The following TMEM230 variants were observed in gnomAD, a reference collection of about 807,000 sequenced individuals.
TMEM230 encodes the protein transmembrane protein 230.
Under a neutral mutation model 15.8 loss-of-function variants are expected in TMEM230, and 10 were observed. The observed-to-expected ratio is 0.63, with a 90% CI of 0.39 to 1.07. The LOEUF is 1.07. Among genes scored for constraint, TMEM230 ranks in the 50% least tolerant of loss-of-function variants. TMEM230 has a pLI of 0.01. For missense variants in TMEM230, 165 were observed against 193.3 expected (o/e 0.85, Z 0.87); for synonymous variants, 67 against 76.9 (o/e 0.87, Z 0.68).
intron 4 of TMEM230, among the ~76,000 whole-genome samples, chr20:5,102,688 CA>C (rs58106156): frequency 0.042 from 3,469 of 83,022 alleles, 62 homozygotes; most frequent in African/African-American, 0.11. Context: ...GACCCTGTCT[CA>C]AAAAAAAAAA....
chr20:5,097,853 C>T (rs1410445671), downstream of TMEM230, among the ~76,000 whole-genome samples: 1 of 111,812 alleles, frequency 8.9e-6, no homozygotes, highest in East Asian at 4.9e-4. Context: ...TCAAGTGATC[C>T]ACCCACCTCG....
At chr20:5,059,763 ATTTTTTTTTTTTTTT>A in the TMEM230 span, among the ~76,000 whole-genome samples, 1 of 61,266 alleles carries the variant, frequency 1.6e-5, no homozygotes, top group South Asian at 7.4e-4. Context: ...CTTCCAGCTA[ATTTTTTTTTTTTTTT>A]TTTTTTTTTT....
intron 3 of TMEM230, chr20:5,069,486 G>A (rs1183868983): frequency 3.5e-6 from 3 of 854,594 alleles, no homozygotes; most frequent in Non-Finnish European, 5.3e-6. Context: ...TGTGAGGCAG[G>A]AGCTCAAGAT....
downstream of TMEM230, among the ~76,000 whole-genome samples, chr20:5,095,083 A>C (rs577512397): frequency 4.6e-5 from 7 of 152,326 alleles, no homozygotes; most frequent in South Asian, 1.5e-3. Flanking sequence ...TGGTGGTCTC[A>C]GGGCAAACTC....
chr20:5,091,611 A>T (rs2089508899), intron 3 of TMEM230, among the ~76,000 whole-genome samples: 1 of 151,976 alleles, frequency 6.6e-6, no homozygotes, highest in Non-Finnish European at 1.5e-5. Flanking sequence ...GGCTGACTGT[A>T]CTCATTTATT....
intron 3 of TMEM230, among the ~76,000 whole-genome samples, chr20:5,083,561 T>C (rs2089245463): frequency 6.6e-6 from 1 of 152,152 alleles, no homozygotes; most frequent in African/African-American, 2.4e-5. Flanking sequence ...CCTTTGACTT[T>C]GCCCATTTGT....
intron 3 of TMEM230, among the ~76,000 whole-genome samples, chr20:5,093,190 C>T (rs565838597): frequency 1.3e-5 from 2 of 152,202 alleles, no homozygotes; most frequent in Admixed American, 6.5e-5. Flanking sequence ...TATACATTAA[C>T]GAAGAACTAT....
chr20:5,106,747 C>G (rs949831051), intron 3 of TMEM230, among the ~76,000 whole-genome samples: 1 of 152,026 alleles, frequency 6.6e-6, no homozygotes, highest in Admixed American at 6.6e-5. Flanking sequence ...GCTCTATCAC[C>G]CAGGCTGGAG....
chr20:5,100,998 A>C, intron 4 of TMEM230, 67 bp from the exon 4 acceptor site: 1 of 1,584,352 alleles, frequency 6.3e-7, no homozygotes, highest in Non-Finnish European at 8.6e-7. Flanking sequence ...AAAACGTCAC[A>C]GACCTAATCC....
chr20:5,062,120 G>T, the TMEM230 span, among the ~76,000 whole-genome samples: 1 of 152,020 alleles, frequency 6.6e-6, no homozygotes, highest in Non-Finnish European at 1.5e-5. Context: ...TACTCAGGAG[G>T]CTGTGGTGAG....
intron 3 of TMEM230, among the ~76,000 whole-genome samples, chr20:5,086,047 A>G (rs1224970710): frequency 6.6e-6 from 1 of 152,068 alleles, no homozygotes; most frequent in East Asian, 1.9e-4. Flanking sequence ...TTTAAGCTAT[A>G]CATTTAGGTT....
intron 3 of TMEM230, among the ~76,000 whole-genome samples, chr20:5,069,652 CCTT>C (rs1243010970): frequency 2.6e-5 from 4 of 152,044 alleles, no homozygotes; most frequent in African/African-American, 9.7e-5. Context: ...CCTTTCCTTT[CCTT>C]TCCTCTCCCC....
chr20:5,101,858 C>T (rs1435740282), intron 4 of TMEM230, among the ~76,000 whole-genome samples: 1 of 152,206 alleles, frequency 6.6e-6, no homozygotes, highest in African/African-American at 2.4e-5. Flanking sequence ...CATATTGAAG[C>T]TCAACAGGAA....
chr20:5,063,582 G>A (rs2088626420), downstream of TMEM230, among the ~76,000 whole-genome samples: 1 of 152,086 alleles, frequency 6.6e-6, no homozygotes, highest in African/African-American at 2.4e-5. Flanking sequence ...AGCCACCATG[G>A]CCGGCCTGCT....
rs141468437 is a variant in TMEM230 at position 5,103,630 on chromosome 20, C to CAA, written c.411+2556_411+2557dup. 3.9e-3 allele frequency among the ~76,000 whole-genome samples: 471 copies of CAA among 122,218 alleles called. 1 individual carries two copies. The highest frequency in any genetic ancestry group is 8.8e-3 in the Middle Eastern group (2 of 226). The allele number at this position is 122,218 out of a possible 152,430, so 80.2% of individuals were successfully genotyped here. On this transcript the variant is annotated intron_variant, in intron 4 of 4. Transcript: ENST00000342308. ...TGGATGACACAGTGAGATTCTGTCT[C>CAA]AAAAAAAAAAAAACAAACAAAAAAA...
At chr20:5,088,344 T>G (rs1002683467) in intron 3 of TMEM230, among the ~76,000 whole-genome samples, 15 of 150,062 alleles carry the variant, frequency 1.0e-4, no homozygotes, top group Non-Finnish European at 2.2e-4. Flanking sequence ...CAAACACAAT[T>G]AATTCAAACC....
rs1366426836 is a variant in TMEM230 at position 5,106,115 on chromosome 20, A to G, written c.411+73T>C. The G allele has an allele frequency of 7.1e-4, 1,068 of 1,506,094 alleles. 7 individuals are homozygous for G. The African/African-American group carries it at 0.012, about 16-fold the overall frequency. The allele number at this position is 1,506,094 out of a possible 1,614,324, so 93.3% of individuals were successfully genotyped here. A position where few individuals can be genotyped will look rare whatever the true frequency, so the allele number is the denominator to read the frequency against. On this transcript the variant is annotated intron_variant, in intron 4 of 4. Coordinates refer to ENST00000342308, the MANE Select transcript of TMEM230 (RefSeq NM_001009923.2). ...CACACACACACACACACACACACAC[A>G]CACACGCACACTAGAGCCTTGGCTA... is the stretch of plus-strand genomic sequence containing the variant.
downstream of TMEM230, among the ~76,000 whole-genome samples, chr20:5,066,586 A>G (rs974326330): frequency 6.6e-6 from 1 of 150,954 alleles, no homozygotes; most frequent in Non-Finnish European, 1.5e-5. Context: ...GCAGGAGAAT[A>G]GCTTGAACCC....
intron 3 of TMEM230, among the ~76,000 whole-genome samples, chr20:5,108,239 G>A (rs1568507673): frequency 6.6e-6 from 1 of 152,092 alleles, no homozygotes. Context: ...GACCAACATG[G>A]AGAAACACTG....
Sources: gnomAD v4.1 joint callset for allele counts (sites outside exome capture counted in the v4.1 genomes callset) on GRCh38, gnomAD v4.1.1 for gene constraint, MANE v1.5 for transcripts, NCBI Gene and HGNC (gene_info 2026-07-23, HGNC 2026-07-21) for gene names.